Variants in OPRM1 observed in about 807,000 individuals in gnomAD.
OPRM1 encodes the protein mu-type opioid receptor.
Under a neutral mutation model 31.8 loss-of-function variants are expected in OPRM1, and 27 were observed. That is an observed-to-expected ratio of 0.85 (90% CI 0.63 to 1.17). The LOEUF is 1.17. OPRM1 is among the 50% of genes most tolerant of loss of function. The probability of loss-of-function intolerance (pLI) is 0.00; values close to 1 mark genes in which losing one functional copy is unlikely to be tolerated. For synonymous variants in OPRM1, 196 were observed against 189.9 expected (o/e 1.03, Z -0.26); for missense variants, 536 against 511.1 (o/e 1.05, Z -0.47).
At chr6:154,208,736 T>A (rs1305696786) in intron 3 of OPRM1, among the ~76,000 whole-genome samples, 1 of 152,254 alleles carries the variant, frequency 6.6e-6, no homozygotes, top group African/African-American at 2.4e-5. Flanking sequence ...TTTATAGCTC[T>A]TAACTCACTT....
chr6:154,112,597 T>C (rs1043837936), intron 3 of OPRM1, among the ~76,000 whole-genome samples: 4 of 152,120 alleles, frequency 2.6e-5, no homozygotes, highest in Non-Finnish European at 5.9e-5. Flanking sequence ...GCAGTGAAGG[T>C]TGTTAATTGA....
At chr6:154,145,134 A>G (rs1454973136) in intron 3 of OPRM1, among the ~76,000 whole-genome samples, 1 of 152,226 alleles carries the variant, frequency 6.6e-6, no homozygotes, top group Non-Finnish European at 1.5e-5. Flanking sequence ...CAGAAGTTCT[A>G]GTTAGTGCAA....
At chr6:154,136,235 C>A (rs1798056898), downstream of OPRM1, among the ~76,000 whole-genome samples, 1 of 152,172 alleles carries the variant, frequency 6.6e-6, no homozygotes, top group Non-Finnish European at 1.5e-5. Flanking sequence ...GTCACTAGTT[C>A]TGTTTTCTGG....
chr6:154,227,083 A>G (rs1170956031), intron 3 of OPRM1, among the ~76,000 whole-genome samples: 1 of 152,158 alleles, frequency 6.6e-6, no homozygotes, highest in Admixed American at 6.6e-5. Flanking sequence ...CTGTAATCCC[A>G]GCTACTTGGG....
At chr6:154,179,247 A>G (rs944741484) in intron 3 of OPRM1, among the ~76,000 whole-genome samples, 1 of 152,220 alleles carries the variant, frequency 6.6e-6, no homozygotes, top group Non-Finnish European at 1.5e-5. Flanking sequence ...CTCAATTGCT[A>G]TACTAAGACT....
chr6:154,114,068 G>A (rs143849174), intron 3 of OPRM1, among the ~76,000 whole-genome samples: 324 of 152,214 alleles, frequency 2.1e-3, no homozygotes, highest in African/African-American at 7.2e-3. Context: ...ACTGACCCAC[G>A]TGTCACCTGC....
intron 3 of OPRM1, among the ~76,000 whole-genome samples, chr6:154,196,720 A>G (rs1776651257): frequency 6.6e-6 from 1 of 152,238 alleles, no homozygotes; most frequent in Non-Finnish European, 1.5e-5. Context: ...TGAACATGTC[A>G]TTAACCCTCT....
chr6:154,078,252 T>C lies in OPRM1; in HGVS notation c.291-11574T>C, dbSNP rs140899366. Among the ~76,000 whole-genome samples, 25 of 152,340 alleles carry C rather than the reference T, an allele frequency of 1.6e-4. No individual in the cohort carries two copies. The East Asian group carries it at 4.4e-3, about 27-fold the overall frequency. On this transcript the variant is annotated intron_variant, in intron 1 of 3. Coordinates refer to ENST00000330432, the MANE Select transcript of OPRM1 (RefSeq NM_000914.5). ...GTCACACTCTAGCCCTGTCCTCTCTTCTAAACTCCATATTCCAACTGCCTA... is the reference window on the plus strand; with the variant it reads ...GTCACACTCTAGCCCTGTCCTCTCTCCTAAACTCCATATTCCAACTGCCTA...
At chr6:154,016,427 A>G (rs1280129069) in intron 1 of OPRM1, among the ~76,000 whole-genome samples, 5 of 152,146 alleles carry the variant, frequency 3.3e-5, no homozygotes, top group Non-Finnish European at 5.9e-5. Flanking sequence ...GATAGAAGAG[A>G]ATATACTGTT....
At chr6:154,091,761 C>T (rs1792299390) in intron 3 of OPRM1, 1 of 1,118,200 alleles carries the variant, frequency 8.9e-7, no homozygotes, top group Non-Finnish European at 1.1e-6. Context: ...ATGACTTTAG[C>T]ACATTATAGA....
chr6:154,129,843 C>A lies in OPRM1; in HGVS notation c.*11122C>A, dbSNP rs967471614. Among the ~76,000 whole-genome samples, 1 of 133,814 alleles carries A rather than the reference C, an allele frequency of 7.5e-6. No individual in the cohort carries two copies. The highest frequency in any genetic ancestry group is 3.1e-5 in the African/African-American group (1 of 32,422). 87.8% of individuals were successfully genotyped at this position (133,814 alleles called of 152,430 possible). The stretch of plus-strand genomic sequence containing the variant: ...AAGCGTACTTTACCACCGACACCCT[C>A]CCCCCCCAGCACACACACACACACA... On this transcript the variant is annotated 3_prime_UTR_variant, in exon 4 of 4. Coordinates refer to ENST00000330432, the MANE Select transcript of OPRM1 (RefSeq NM_000914.5).
chr6:154,136,303 C>T (rs1362641419), downstream of OPRM1, among the ~76,000 whole-genome samples: 3 of 152,184 alleles, frequency 2.0e-5, no homozygotes, highest in East Asian at 1.9e-4. Context: ...TCCCTGACTG[C>T]GCCATGGTTT....
At chr6:154,181,047 C>T (rs924309430) in intron 3 of OPRM1, among the ~76,000 whole-genome samples, 7 of 152,080 alleles carry the variant, frequency 4.6e-5, no homozygotes, top group African/African-American at 1.7e-4. Context: ...AAAGGCTTTA[C>T]ACATGTTATT....
At chr6:154,089,740 T>A in intron 1 of OPRM1, 86 bp from the exon 2 acceptor site, 1 of 922,146 alleles carries the variant, frequency 1.1e-6, no homozygotes, top group Non-Finnish European at 1.7e-6. Flanking sequence ...TTTCTACTAA[T>A]TCATGCAAAT....
At chr6:154,055,503 A>ACTCAGGGCTTT (rs1783097434) in intron 1 of OPRM1, among the ~76,000 whole-genome samples, 1 of 152,076 alleles carries the variant, frequency 6.6e-6, no homozygotes, top group Non-Finnish European at 1.5e-5. Context: ...ACCAACACTC[A>ACTCAGGGCTTT]CTCAGGGCTT....
At chr6:154,039,222 A>C (rs919460100), upstream of OPRM1, 3 of 1,551,498 alleles carry the variant, frequency 1.9e-6, no homozygotes, top group Admixed American at 3.9e-5. Context: ...TTTGCGCAAA[A>C]TCCACCCCTT....
chr6:154,159,959 CT>C, intron 3 of OPRM1: 1 of 1,613,492 alleles, frequency 6.2e-7, no homozygotes, highest in Non-Finnish European at 8.5e-7. Flanking sequence ...GTGTTCATGA[CT>C]TTCCACTCTC....
intron 3 of OPRM1, among the ~76,000 whole-genome samples, chr6:154,101,016 T>C (rs1162678416): frequency 6.6e-6 from 1 of 151,082 alleles, no homozygotes; most frequent in Non-Finnish European, 1.5e-5. Flanking sequence ...GTAAATGATT[T>C]ATTATGATGA....
intron 3 of OPRM1, among the ~76,000 whole-genome samples, chr6:154,097,586 C>CGTGTGTGTGTGT (rs5881063): frequency 4.7e-5 from 7 of 149,724 alleles, no homozygotes; most frequent in African/African-American, 9.8e-5. Flanking sequence ...AAAATGGTTC[C>CGTGTGTGTGTGT]GTGTGTGTGT....
Sources: gnomAD v4.1 joint callset for allele counts (sites outside exome capture counted in the v4.1 genomes callset) on GRCh38, gnomAD v4.1.1 for gene constraint, MANE v1.5 for transcripts, NCBI Gene and HGNC (gene_info 2026-07-23, HGNC 2026-07-21) for gene names.